Variants in CSMD1 observed in about 807,000 individuals in gnomAD.
CSMD1 encodes CUB and sushi domain-containing protein 1.
In CSMD1, 213 loss-of-function variants were observed where a neutral mutation model predicts 417.5. That is an observed-to-expected ratio of 0.51 (90% confidence interval 0.46 to 0.57). CSMD1 has a LOEUF of 0.57. Among genes scored for constraint, CSMD1 ranks in the 20% least tolerant of loss-of-function variants. The pLI, the probability that CSMD1 is intolerant of heterozygous loss-of-function variation, is 0.00. For missense variants in CSMD1, 6,923 were observed against 4,529.7 expected (o/e 1.53, Z -15.17); for synonymous variants, 2,862 against 1,736.8 (o/e 1.65, Z -16.11).
chr8:4,355,718 C>T (rs1254043178), intron 3 of CSMD1, among the ~76,000 whole-genome samples: 1 of 152,176 alleles, frequency 6.6e-6, no homozygotes, highest in Non-Finnish European at 1.5e-5. Context: ...AAGGGTCCAG[C>T]AATGCATCTT....
At chr8:3,287,512 C>A (rs1294890696) in intron 25 of CSMD1, among the ~76,000 whole-genome samples, 2 of 152,056 alleles carry the variant, frequency 1.3e-5, no homozygotes, top group African/African-American at 4.8e-5. Context: ...TGAAGAGGTC[C>A]TTCACATCCC....
intron 1 of CSMD1, among the ~76,000 whole-genome samples, chr8:4,917,427 G>T (rs1719732828): frequency 6.6e-6 from 1 of 152,150 alleles, no homozygotes; most frequent in Admixed American, 6.5e-5. Context: ...AAGGTCAGGA[G>T]ATCGAGACCA....
At chr8:4,562,643 G>C (rs1025015121) in intron 2 of CSMD1, among the ~76,000 whole-genome samples, 1 of 152,094 alleles carries the variant, frequency 6.6e-6, no homozygotes, top group Non-Finnish European at 1.5e-5. Flanking sequence ...AGAAATGTCA[G>C]ATTCTATGGA....
In CSMD1 at chr8:3,371,513, G is replaced by T. The variant is rs139994665; in HGVS notation, c.2783-2143C>A. ...TTTAACATGCCCACATTCTGTGCAT[G>T]TATATATTTATACTTCTTTTCTTAA... On this transcript the variant is annotated intron_variant, in intron 18 of 69. Transcript: ENST00000635120. Among the ~76,000 whole-genome samples, 753 of 150,302 alleles carry T rather than the reference G, an allele frequency of 5.0e-3. 5 individuals are homozygous for T. Among genetic ancestry groups the T allele is most frequent in the Admixed American group, 0.011 (163 of 15,110 alleles).
At chr8:4,171,791 G>A (rs188276919) in intron 3 of CSMD1, among the ~76,000 whole-genome samples, 1 of 152,092 alleles carries the variant, frequency 6.6e-6, no homozygotes, top group East Asian at 1.9e-4. Context: ...ATTTACTTGA[G>A]TAACTTCATT....
At chr8:3,068,610 T>A (rs754663558) in intron 49 of CSMD1, among the ~76,000 whole-genome samples, 1 of 152,196 alleles carries the variant, frequency 6.6e-6, no homozygotes, top group East Asian at 1.9e-4. Flanking sequence ...GGCATCTGCT[T>A]GGCTTCTGGG....
intron 1 of CSMD1, among the ~76,000 whole-genome samples, chr8:4,759,003 TTAAA>T (rs35985247): frequency 0.2 from 31,062 of 152,000 alleles, 3,813 homozygotes; most frequent in African/African-American, 0.35. Context: ...TAAGAATGTC[TTAAA>T]TAAGGTTCCC....
At chr8:3,811,506 G>T (rs1362205785) in intron 5 of CSMD1, among the ~76,000 whole-genome samples, 1 of 152,074 alleles carries the variant, frequency 6.6e-6, no homozygotes, top group East Asian at 1.9e-4. Context: ...GAGAGTTTTA[G>T]CAGAGTTGTT....
intron 2 of CSMD1, among the ~76,000 whole-genome samples, chr8:4,425,060 T>C (rs1231590117): frequency 6.6e-6 from 1 of 152,122 alleles, no homozygotes; most frequent in African/African-American, 2.4e-5. Flanking sequence ...GATAATTTAG[T>C]AATTGCCCAT....
intron 3 of CSMD1, among the ~76,000 whole-genome samples, chr8:4,273,018 T>A (rs1465685247): frequency 6.6e-6 from 1 of 152,180 alleles, no homozygotes; most frequent in Non-Finnish European, 1.5e-5. Flanking sequence ...GTACCTGACA[T>A]TTCTAACTAT....
At chr8:4,495,334 G>T (rs71523632) in intron 2 of CSMD1, among the ~76,000 whole-genome samples, 1 of 152,200 alleles carries the variant, frequency 6.6e-6, no homozygotes, top group Admixed American at 6.5e-5. Context: ...CCAGCACTTT[G>T]GGAGGCTGAG....
intron 25 of CSMD1, 33 bp from the exon 26 acceptor site, chr8:3,284,379 G>A (rs768128426): frequency 5.9e-6 from 9 of 1,538,434 alleles, no homozygotes; most frequent in Admixed American, 3.4e-5. Flanking sequence ...GCTACTTGCC[G>A]TGCATCGAGC....
intron 8 of CSMD1, chr8:3,598,445 G>T (rs1211494060): frequency 1.3e-5 from 2 of 152,214 alleles, no homozygotes; most frequent in African/African-American, 4.8e-5. Context: ...TTTTTACACA[G>T]GCTCTTCTTC....
Position 3,552,449 on chromosome 8 carries a change from G to A in CSMD1, c.1344+22496C>T, listed in dbSNP as rs183405084. 2.6e-5 allele frequency among the ~76,000 whole-genome samples: 4 copies of A among 152,138 alleles called. No individual in the cohort carries two copies. In the East Asian group the frequency reaches 7.7e-4, roughly 29 times the overall value. ...GTATTTTTAAAAGGGATTGTTGTTA[G>A]GCAGTTATAAAGCTTCCTCTGACCT... is the stretch of plus-strand genomic sequence containing the variant. On this transcript the variant is annotated intron_variant, in intron 10 of 69. Coordinates refer to ENST00000635120, the MANE Select transcript of CSMD1 (RefSeq NM_033225.6).
chr8:4,371,575 C>T (rs898723979), intron 3 of CSMD1, among the ~76,000 whole-genome samples: 6 of 152,030 alleles, frequency 3.9e-5, no homozygotes, highest in African/African-American at 1.4e-4. Context: ...TTTTTTCATT[C>T]ATGGATTCAA....
chr8:3,926,053 T>TACACACACACACACAAACACCATAC (rs1809656989), intron 5 of CSMD1, among the ~76,000 whole-genome samples: 4 of 87,888 alleles, frequency 4.6e-5, no homozygotes, highest in Non-Finnish European at 9.8e-5. Context: ...AAACACCATA[T>TACACACACACACACAAACACCATAC]ACACACACAC....
intron 1 of CSMD1, among the ~76,000 whole-genome samples, chr8:4,940,285 G>A (rs1356770843): frequency 6.6e-6 from 1 of 152,178 alleles, no homozygotes; most frequent in Non-Finnish European, 1.5e-5. Flanking sequence ...AGTGGAAAAT[G>A]CAGAGTAAAA....
chr8:4,731,557 T>C (rs889385598), intron 1 of CSMD1, among the ~76,000 whole-genome samples: 1 of 152,234 alleles, frequency 6.6e-6, no homozygotes, highest in East Asian at 1.9e-4. Context: ...AATTATTAAA[T>C]ACATGTTTAT....
At chr8:3,469,815 A>G (rs77458195) in intron 11 of CSMD1, among the ~76,000 whole-genome samples, 1 of 152,200 alleles carries the variant, frequency 6.6e-6, no homozygotes, top group African/African-American at 2.4e-5. Flanking sequence ...AACTCATGCA[A>G]TGTTACACAC....
Sources: allele counts gnomAD v4.1 joint callset (sites outside exome capture counted in the v4.1 genomes callset), GRCh38; gene constraint gnomAD v4.1.1; transcripts MANE v1.5; gene names NCBI Gene and HGNC (gene_info 2026-07-23, HGNC 2026-07-21).